Variants in RET observed in about 807,000 individuals in gnomAD.
RET encodes the protein proto-oncogene tyrosine-protein kinase receptor Ret.
A neutral mutation model predicts 118.3 loss-of-function variants in RET; 19 were observed. The observed-to-expected ratio is 0.16, with a 90% confidence interval of 0.11 to 0.24. The LOEUF is 0.24. Ranked by LOEUF, RET falls within the 10% of genes least tolerant of loss-of-function variation. The pLI, the probability that RET is intolerant of heterozygous loss-of-function variation, is 1.00. For synonymous variants in RET, 597 were observed against 644.1 expected, an observed-to-expected ratio of 0.93 and a Z score of 1.11; for missense variants, 1,219 against 1,502.1, an observed-to-expected ratio of 0.81 and a Z score of 3.12.
At chr10:43,101,249 G>C (rs557598835) in intron 2 of RET, among the ~76,000 whole-genome samples, 8 of 152,186 alleles carry the variant, frequency 5.3e-5, no homozygotes, top group Admixed American at 1.3e-4. Flanking sequence ...TGGGAGGGGT[G>C]GGGGGGAAGC....
At chr10:43,085,941 C>T (rs534441099) in intron 1 of RET, among the ~76,000 whole-genome samples, 1 of 152,318 alleles carries the variant, frequency 6.6e-6, no homozygotes, top group African/African-American at 2.4e-5. Flanking sequence ...AACCTACTGT[C>T]TCAGAGGCTC....
Position 43,114,877 on chromosome 10 carries a change from T to G in RET, c.2136+141T>G. 1.1e-6 allele frequency: 1 copy of G among 898,780 alleles called. No individual in the cohort carries two copies. Among genetic ancestry groups the G allele is most frequent in the Non-Finnish European group, 1.7e-6 (1 of 605,882 alleles). The allele number at this position is 898,780 out of a possible 1,614,324, so 55.7% of individuals were successfully genotyped here. On this transcript the variant is annotated intron_variant, in intron 11 of 19. Coordinates refer to ENST00000355710, the MANE Select transcript of RET (RefSeq NM_020975.6). This position sits in a 1 kb window ranked among gnomAD's most constrained non-coding sequence, Gnocchi z 4.6. ...ACGAGGCCTGTGTTCTGCCCCCATTTCCATAGGGCGCTGTGTGGGGACAGT... is the reference window on the plus strand; with the variant it reads ...ACGAGGCCTGTGTTCTGCCCCCATTGCCATAGGGCGCTGTGTGGGGACAGT...
intron 6 of RET, among the ~76,000 whole-genome samples, chr10:43,110,497 G>A (rs937953607): frequency 1.3e-5 from 2 of 152,188 alleles, no homozygotes; most frequent in South Asian, 2.1e-4. Flanking sequence ...AGCTGCAAGA[G>A]TTGCCAAGAG....
chr10:43,129,995 G>GT lies in RET; in HGVS notation c.*1727dup. ...TCAAATTATTAAAAATGCCTACACA[G>GT]TAAGTGTGAATTGCTGCAACAGGTT... is the stretch of plus-strand genomic sequence containing the variant. On this transcript the variant is annotated 3_prime_UTR_variant, in exon 20 of 20. Coordinates refer to ENST00000355710, the MANE Select transcript of RET (RefSeq NM_020975.6). 1 of 398,864 alleles carries GT rather than the reference G, an allele frequency of 2.5e-6. No individual in the cohort carries two copies. The highest frequency in any genetic ancestry group is 4.4e-6 in the Non-Finnish European group (1 of 226,062). The allele number at this position is 398,864 out of a possible 1,614,324, so 24.7% of individuals were successfully genotyped here.
At chr10:43,080,871 C>T (rs1047384018) in intron 1 of RET, among the ~76,000 whole-genome samples, 3 of 152,222 alleles carry the variant, frequency 2.0e-5, no homozygotes, top group Non-Finnish European at 4.4e-5. Flanking sequence ...TGCAGATGTT[C>T]GGCTGGGACA....
rs1838382994 is a variant in RET at position 43,128,516 on chromosome 10, T to C, written c.*247T>C. ...TGAGTCTTAGTGGTTAAGCATTCCT[T>C]TCTCTTCAGTGCCCAGCAGCACCCA... On this transcript the variant is annotated 3_prime_UTR_variant, in exon 20 of 20. Transcript: ENST00000355710. 3 of 570,044 alleles carry C rather than the reference T, an allele frequency of 5.3e-6. No individual in the cohort carries two copies. Among genetic ancestry groups the C allele is most frequent in the Non-Finnish European group, 9.5e-6 (3 of 316,520 alleles). 35.3% of individuals were successfully genotyped at this position (570,044 alleles called of 1,614,324 possible).
intron 15 of RET, among the ~76,000 whole-genome samples, chr10:43,120,601 G>C (rs546956666): frequency 6.6e-6 from 1 of 152,370 alleles, no homozygotes; most frequent in African/African-American, 2.4e-5. Context: ...TTTGCAAAAA[G>C]GAATGAACTG....
At chr10:43,078,505 A>G (rs1239208270) in intron 1 of RET, among the ~76,000 whole-genome samples, 1 of 152,244 alleles carries the variant, frequency 6.6e-6, no homozygotes, top group African/African-American at 2.4e-5. Flanking sequence ...AGCGAGGGAC[A>G]GGGGAGAAGC....
Position 43,105,185 on chromosome 10 carries a change from C to A in RET, c.859C>A (p.Arg287=), listed in dbSNP as rs1588866335. The A allele has an allele frequency of 1.9e-6, 3 of 1,612,796 alleles. No individual in the cohort carries two copies. The highest frequency in any genetic ancestry group is 1.1e-5 in the South Asian group (1 of 91,080). The change falls in exon 4 of 20, where the codon CGG becomes AGG. Residue 287 remains arginine, a synonymous_variant. Coordinates refer to ENST00000355710, the MANE Select transcript of RET (RefSeq NM_020975.6). ...DTASAVVEFK[R]KEDTVVATLR... ...CGCCAGCGCCGTGGTGGAGTTCAAG[C>A]GGAAGGAGGTGCTTGTCCGCGCGTG...
rs895757488 is a variant in RET, at chr10:43,119,946, G to A, written c.2608-135G>A. On this transcript the variant is annotated intron_variant, in intron 14 of 19. Transcript: ENST00000355710. ...CCTGACTCCACCACGCCCCTGCCATGCCACACCCCCGGCCCAGGTCTCACC... is the reference window on the plus strand; with the variant it reads ...CCTGACTCCACCACGCCCCTGCCATACCACACCCCCGGCCCAGGTCTCACC... The A allele has an allele frequency of 2.1e-6, 3 of 1,403,912 alleles. 1 individual carries two copies. 87.0% of individuals were successfully genotyped at this position (1,403,912 alleles called of 1,614,324 possible).
chr10:43,100,125 C>T (rs1186138953), intron 1 of RET, among the ~76,000 whole-genome samples: 1 of 152,232 alleles, frequency 6.6e-6, no homozygotes, highest in African/African-American at 2.4e-5. Context: ...GCCTGCCCCA[C>T]ATGGGTGGCA....
intron 3 of RET, chr10:43,102,908 T>C (rs1837673962): frequency 2.0e-5 from 11 of 539,370 alleles, no homozygotes; most frequent in Non-Finnish European, 3.3e-5. Flanking sequence ...ATCAGGTGGC[T>C]TCTGGAAGGA....
chr10:43,123,919 T>A, intron 17 of RET, 111 bp downstream of exon 17: 2 of 1,515,102 alleles, frequency 1.3e-6, no homozygotes, highest in Non-Finnish European at 1.8e-6. Context: ...AAGTGGGGGG[T>A]GGGGAGTGGG....
chr10:43,114,535 C>T lies in RET; in HGVS notation c.1935C>T (p.Ser645=). 6.2e-7 allele frequency: 1 copy of T among 1,610,362 alleles called. No homozygotes were observed. The highest frequency in any genetic ancestry group is 8.5e-7 in the Non-Finnish European group (1 of 1,179,976). ...RTVIAAAVLF[S]FIVSVLLSAF... ...TGATCGCAGCCGCTGTCCTCTTCTC[C>T]TTCATCGTCTCGGTGCTGCTGTCTG... Residue 645 remains serine (S), a synonymous_variant, in exon 11 of 20, where the codon TCC becomes TCT. Coordinates refer to ENST00000355710, the MANE Select transcript of RET (RefSeq NM_020975.6). The surrounding 1 kb of genome is among the most constrained non-coding windows in gnomAD (Gnocchi z 4.6).
chr10:43,098,733 C>A (rs1006486529), intron 1 of RET, among the ~76,000 whole-genome samples: 1 of 152,112 alleles, frequency 6.6e-6, no homozygotes, highest in Non-Finnish European at 1.5e-5. Flanking sequence ...GATTTCCCTC[C>A]TTTCTAAGAC....
At chr10:43,087,587 C>T (rs1325367963) in intron 1 of RET, among the ~76,000 whole-genome samples, 3 of 152,178 alleles carry the variant, frequency 2.0e-5, no homozygotes, top group Non-Finnish European at 2.9e-5. Context: ...GACTTGTTAG[C>T]GGGTACAATT....
rs759359058 is a variant in RET at position 43,116,779 on chromosome 10, G to A, written c.2284+48G>A. 4.0e-5 allele frequency: 55 copies of A among 1,367,720 alleles called. 2 individuals are homozygous for A. Among genetic ancestry groups the A allele is most frequent in the South Asian group, 3.7e-4 (32 of 87,272 alleles). 84.7% of individuals were successfully genotyped at this position (1,367,720 alleles called of 1,614,324 possible). On this transcript the variant is annotated intron_variant, in intron 12 of 19. Coordinates refer to ENST00000355710, the MANE Select transcript of RET (RefSeq NM_020975.6). ...GTGCCCCTGGGGGAGTCTCCGGGGC[G>A]GGGGGCGGGTGAGGCCCCTCCTGCC...
At chr10:43,119,990 C>T (rs2132955427) in intron 14 of RET, 91 bp from the exon 15 acceptor site, 1 of 1,576,232 alleles carries the variant, frequency 6.3e-7, no homozygotes. Context: ...ACCCGGGCCA[C>T]ACACCACCCC....
chr10:43,120,793 A>G (rs1341293860), intron 15 of RET, among the ~76,000 whole-genome samples: 2 of 152,164 alleles, frequency 1.3e-5, no homozygotes, highest in East Asian at 3.9e-4. Context: ...TCCCGGGACA[A>G]CTGCCTTGGC....
Sources: gnomAD v4.1 joint callset for allele counts (sites outside exome capture counted in the v4.1 genomes callset) on GRCh38, gnomAD v4.1.1 for gene constraint, Gnocchi (gnomAD v3.1) non-coding constraint, MANE v1.5 for transcripts, NCBI Gene and HGNC (gene_info 2026-07-23, HGNC 2026-07-21) for gene names.